CNTNAP5: variants seen among roughly 807,000 people sequenced by gnomAD.
CNTNAP5 encodes contactin associated protein family member 5.
CNTNAP5 carries 72 observed loss-of-function variants against 150.2 expected under a neutral mutation model. The ratio of observed to expected loss-of-function variants is 0.48; its 90% CI spans 0.40 to 0.58. The LOEUF (loss-of-function observed/expected upper bound fraction) is 0.58. Among genes scored for constraint, CNTNAP5 ranks in the 20% least tolerant of loss-of-function variants. The pLI is 0.00. For synonymous variants in CNTNAP5, 672 were observed against 619.8 expected (o/e 1.08, Z -1.25); for missense variants, 1,636 against 1,626.2 (o/e 1.01, Z -0.10).
rs756622719 is a variant in CNTNAP5 at position 124,504,330 on chromosome 2, G to T, written c.1101G>T (p.Val367=). Residue 367 remains valine (V), a synonymous_variant, in exon 8 of 24, where the codon GTG becomes GTT. Transcript: ENST00000682447. Reference sequence around the variant, plus strand: ...TTTCCTGCTCCGAACCACAGATTGTGCCCATCACATTTGTCAACTCCAGCG... The same window carrying T: ...TTTCCTGCTCCGAACCACAGATTGTTCCCATCACATTTGTCAACTCCAGCG... The part of the protein sequence containing the change: ...VTFSCSEPQI[V]PITFVNSSGS... The T allele has an allele frequency of 6.2e-7, 1 of 1,613,874 alleles. No individual in the cohort carries two copies. Among genetic ancestry groups the T allele is most frequent in the Admixed American group, 1.7e-5 (1 of 60,018 alleles).
chr2:124,634,752 C>G (rs1472577594), intron 12 of CNTNAP5, among the ~76,000 whole-genome samples: 1 of 152,098 alleles, frequency 6.6e-6, no homozygotes, highest in Non-Finnish European at 1.5e-5. Context: ...GATTCATCCA[C>G]CTATGCTTCC....
chr2:124,532,129 G>A (rs1269223710), intron 10 of CNTNAP5, among the ~76,000 whole-genome samples: 2 of 152,124 alleles, frequency 1.3e-5, no homozygotes, highest in Non-Finnish European at 2.9e-5. Flanking sequence ...CAAGAGGTGA[G>A]TACACAGCTC....
chr2:124,440,957 G>A (rs182907002), intron 5 of CNTNAP5, among the ~76,000 whole-genome samples: 40 of 152,078 alleles, frequency 2.6e-4, no homozygotes, highest in East Asian at 1.9e-3. Flanking sequence ...TGATAATTTC[G>A]TGAGAATTAA....
At chr2:124,251,637 G>A (rs1687182063) in intron 3 of CNTNAP5, among the ~76,000 whole-genome samples, 1 of 152,092 alleles carries the variant, frequency 6.6e-6, no homozygotes, top group Admixed American at 6.6e-5. Flanking sequence ...AGAGTAGAAT[G>A]TGGAAATTTC....
At chr2:124,245,870 A>C (rs1336060175) in intron 3 of CNTNAP5, among the ~76,000 whole-genome samples, 1 of 151,982 alleles carries the variant, frequency 6.6e-6, no homozygotes, top group African/African-American at 2.4e-5. Flanking sequence ...AGCTGGGACT[A>C]CAGGCATGCA....
At position 124,789,913 on chromosome 2, in the gene CNTNAP5, T is replaced by G. The variant is rs767397205; in HGVS notation, c.2764T>G (p.Ser922Ala). ...ATTTAACCTCTTAGGGGGAACGTCA[T>G]CCAGACAGAAAGGCTTCCTAGGATG... Reference protein sequence around the residue: ...NSQLFVGGTSSRQKGFLGCIR... With the variant: ...NSQLFVGGTSARQKGFLGCIR... The change falls in exon 18 of 24, where the codon TCC becomes GCC. Residue 922 changes from serine to alanine, a missense_variant. By Grantham distance (99) the Ser-to-Ala change is moderately conservative. Coordinates refer to ENST00000682447, the MANE Select transcript of CNTNAP5 (RefSeq NM_001367498.1). 4.3e-6 allele frequency: 7 copies of G among 1,613,326 alleles called. No individual in the cohort carries two copies. In the South Asian group the frequency reaches 7.7e-5, roughly 18 times the overall value.
chr2:124,670,237 C>T (rs958002577), intron 13 of CNTNAP5, among the ~76,000 whole-genome samples: 1 of 101,352 alleles, frequency 9.9e-6, no homozygotes, highest in Admixed American at 1.0e-4. Context: ...TTCTTTCTTT[C>T]TTTTCTTTCT....
At chr2:124,487,111 C>A (rs1181254268) in intron 7 of CNTNAP5, among the ~76,000 whole-genome samples, 1 of 152,096 alleles carries the variant, frequency 6.6e-6, no homozygotes, top group Admixed American at 6.6e-5. Flanking sequence ...ATCCAGTATC[C>A]CCCATGGTGG....
At chr2:124,156,745 T>A (rs996403574) in intron 1 of CNTNAP5, among the ~76,000 whole-genome samples, 1 of 152,152 alleles carries the variant, frequency 6.6e-6, no homozygotes, top group Admixed American at 6.5e-5. Context: ...CACCTCGGCC[T>A]CCCAAAGTGC....
At chr2:124,808,996 A>G (rs574293191) in intron 19 of CNTNAP5, among the ~76,000 whole-genome samples, 2 of 151,366 alleles carry the variant, frequency 1.3e-5, no homozygotes, top group African/African-American at 2.4e-5. Flanking sequence ...TTTTCTCTAT[A>G]CTGGAGATAA....
At chr2:124,650,281 G>A (rs1055232052) in intron 13 of CNTNAP5, among the ~76,000 whole-genome samples, 2 of 152,170 alleles carry the variant, frequency 1.3e-5, no homozygotes, top group African/African-American at 4.8e-5. Flanking sequence ...TCCACCTCCA[G>A]ACTAGACACT....
intron 1 of CNTNAP5, among the ~76,000 whole-genome samples, chr2:124,218,288 T>G (rs1686213162): frequency 6.6e-6 from 1 of 152,106 alleles, no homozygotes. Flanking sequence ...AAAAATAGGC[T>G]TCCATTCCCG....
intron 8 of CNTNAP5, among the ~76,000 whole-genome samples, chr2:124,505,833 C>T (rs139587815): frequency 2.0e-5 from 3 of 152,118 alleles, no homozygotes; most frequent in Admixed American, 6.6e-5. Context: ...GCATGCTGAT[C>T]GATGAAGAAG....
intron 3 of CNTNAP5, among the ~76,000 whole-genome samples, chr2:124,246,408 A>C (rs1043412515): frequency 2.0e-5 from 3 of 152,162 alleles, no homozygotes; most frequent in Admixed American, 2.0e-4. Flanking sequence ...TTCACTAAAT[A>C]ATCAGGCATG....
At chr2:124,441,265 G>A (rs909033019) in intron 5 of CNTNAP5, among the ~76,000 whole-genome samples, 3 of 151,960 alleles carry the variant, frequency 2.0e-5, no homozygotes, top group Non-Finnish European at 4.4e-5. Flanking sequence ...ATAATTACAC[G>A]TCAGTGATAT....
At chr2:124,672,746 T>G (rs1317203577) in intron 13 of CNTNAP5, among the ~76,000 whole-genome samples, 1 of 152,198 alleles carries the variant, frequency 6.6e-6, no homozygotes, top group Admixed American at 6.5e-5. Flanking sequence ...CTCCTATAAA[T>G]ATGTTCAATA....
At chr2:124,747,991 A>G (rs1680645731) in intron 14 of CNTNAP5, among the ~76,000 whole-genome samples, 1 of 151,038 alleles carries the variant, frequency 6.6e-6, no homozygotes, top group Non-Finnish European at 1.5e-5. Flanking sequence ...ATGGCATGCA[A>G]TATTGAGCTT....
At chr2:124,881,519 C>T (rs1005808940) in intron 21 of CNTNAP5, among the ~76,000 whole-genome samples, 1 of 152,062 alleles carries the variant, frequency 6.6e-6, no homozygotes, top group African/African-American at 2.4e-5. Context: ...AAAGCTGATA[C>T]CTTACCCTCT....
chr2:124,733,681 C>A (rs1172158698), intron 13 of CNTNAP5, among the ~76,000 whole-genome samples: 1 of 152,002 alleles, frequency 6.6e-6, no homozygotes, highest in African/African-American at 2.4e-5. Flanking sequence ...TTTTTTGTTT[C>A]TTTAAATTCA....
Sources: allele counts gnomAD v4.1 joint callset (sites outside exome capture counted in the v4.1 genomes callset), GRCh38; gene constraint gnomAD v4.1.1; transcripts MANE v1.5; gene names NCBI Gene and HGNC (gene_info 2026-07-23, HGNC 2026-07-21).